The following ADAMTS3 variants were observed in gnomAD, a reference collection of about 807,000 sequenced individuals.
The protein encoded by ADAMTS3 is ADAM metallopeptidase with thrombospondin type 1 motif 3.
Under a neutral mutation model 129.0 loss-of-function variants are expected in ADAMTS3, and 73 were observed. The observed-to-expected ratio is 0.57, with a 90% CI of 0.47 to 0.69. The LOEUF is 0.69. Ranked by LOEUF, ADAMTS3 falls within the 30% of genes least tolerant of loss-of-function variation. ADAMTS3 has a pLI of 0.00. For missense variants in ADAMTS3, 1,457 were observed against 1,514.5 expected, an observed-to-expected ratio of 0.96 and a Z score of 0.63; for synonymous variants, 477 against 510.8, an observed-to-expected ratio of 0.93 and a Z score of 0.89.
intron 3 of ADAMTS3, among the ~76,000 whole-genome samples, chr4:72,507,588 T>C (rs1303275398): frequency 2.0e-5 from 3 of 152,324 alleles, no homozygotes; most frequent in Admixed American, 2.0e-4. Context: ...GTTATCCAGA[T>C]AGCATTTCTC....
intron 3 of ADAMTS3, among the ~76,000 whole-genome samples, chr4:72,506,444 G>C (rs1395241834): frequency 6.6e-6 from 1 of 152,170 alleles, no homozygotes; most frequent in Admixed American, 6.5e-5. Context: ...CAAAGTTCTG[G>C]CTGTGGTGAC....
In ADAMTS3 at chr4:72,517,878, G is replaced by C. The variant is rs531995541; in HGVS notation, c.504+30600C>G. Among the ~76,000 whole-genome samples the C allele has an allele frequency of 3.3e-3, 497 of 151,052 alleles. 3 individuals carry two copies. The highest frequency in any genetic ancestry group is 0.011 in the African/African-American group (462 of 41,132). On this transcript the variant is annotated intron_variant, in intron 3 of 21. Transcript: ENST00000286657. ...CTTAGTTATTTCTTGCCTTCTGCTA[G>C]CTTTTGAATGTGTTTGCTCTTGCTT...
At chr4:72,470,616 C>T (rs930994185) in intron 3 of ADAMTS3, among the ~76,000 whole-genome samples, 1 of 151,808 alleles carries the variant, frequency 6.6e-6, no homozygotes, top group South Asian at 2.1e-4. Context: ...CTTAAAGGGG[C>T]TCTGCAAGGT....
chr4:72,308,678 A>C (rs1719151490), intron 15 of ADAMTS3, among the ~76,000 whole-genome samples: 1 of 151,982 alleles, frequency 6.6e-6, no homozygotes, highest in South Asian at 2.1e-4. Context: ...TCTGTATACA[A>C]ATCTTTTATG....
chr4:72,411,455 C>A (rs1427838768), intron 4 of ADAMTS3, among the ~76,000 whole-genome samples: 2 of 151,988 alleles, frequency 1.3e-5, no homozygotes, highest in Non-Finnish European at 2.9e-5. Context: ...CATAGGCTCC[C>A]AATTCTGTGC....
chr4:72,562,503 T>G (rs1348430886), intron 2 of ADAMTS3, among the ~76,000 whole-genome samples: 2 of 152,108 alleles, frequency 1.3e-5, no homozygotes, highest in Non-Finnish European at 2.9e-5. Flanking sequence ...ATTAGTATGA[T>G]GAGATTAAAA....
intron 3 of ADAMTS3, among the ~76,000 whole-genome samples, chr4:72,432,233 T>C (rs953542372): frequency 1.3e-5 from 2 of 151,896 alleles, no homozygotes; most frequent in African/African-American, 4.8e-5. Context: ...ATGCTACTTC[T>C]CAGCTTGGCC....
intron 3 of ADAMTS3, among the ~76,000 whole-genome samples, chr4:72,420,628 T>C (rs1240615268): frequency 6.6e-6 from 1 of 152,226 alleles, no homozygotes; most frequent in Admixed American, 6.5e-5. Context: ...AATTACTTCT[T>C]GGTCTGCTTT....
chr4:72,342,775 T>G (rs1258072290), intron 4 of ADAMTS3, among the ~76,000 whole-genome samples: 1 of 152,106 alleles, frequency 6.6e-6, no homozygotes, highest in Non-Finnish European at 1.5e-5. Flanking sequence ...CCCAACCAAA[T>G]GCATGACTCA....
At chr4:72,483,990 C>G (rs1196009440) in intron 3 of ADAMTS3, among the ~76,000 whole-genome samples, 3 of 152,010 alleles carry the variant, frequency 2.0e-5, no homozygotes, top group African/African-American at 7.3e-5. Context: ...TGCACTCCAG[C>G]CCGGGTGACA....
At chr4:72,416,031 T>C (rs1722295400) in intron 3 of ADAMTS3, among the ~76,000 whole-genome samples, 1 of 151,798 alleles carries the variant, frequency 6.6e-6, no homozygotes, top group African/African-American at 2.4e-5. Flanking sequence ...AAGAGGTCAC[T>C]GGCTCTCATG....
intron 3 of ADAMTS3, among the ~76,000 whole-genome samples, chr4:72,448,166 T>C (rs1267499590): frequency 1.3e-5 from 2 of 151,710 alleles, no homozygotes; most frequent in African/African-American, 4.8e-5. Context: ...AATGTTTCCA[T>C]AAGACATTTT....
intron 3 of ADAMTS3, among the ~76,000 whole-genome samples, chr4:72,510,231 G>A (rs1720276915): frequency 6.6e-6 from 1 of 151,934 alleles, no homozygotes; most frequent in Admixed American, 6.6e-5. Flanking sequence ...GCTGCCCACT[G>A]TCACCACTGT....
chr4:72,295,535 CTATT>C (rs1252026005), intron 19 of ADAMTS3, 115 bp downstream of exon 19: 1 of 1,031,610 alleles, frequency 9.7e-7, no homozygotes, highest in Non-Finnish European at 1.4e-6. Context: ...AGTGACTTGA[CTATT>C]TAAACCATGT....
intron 4 of ADAMTS3, among the ~76,000 whole-genome samples, chr4:72,401,605 A>G (rs1330223653): frequency 5.5e-5 from 8 of 144,410 alleles, no homozygotes; most frequent in African/African-American, 1.7e-4. Context: ...AAAAAAAAAG[A>G]GTGAAAGAAA....
chr4:72,470,376 T>TATATATATATATATATATAC (rs557625827), intron 3 of ADAMTS3, among the ~76,000 whole-genome samples: 6 of 137,962 alleles, frequency 4.3e-5, no homozygotes, highest in African/African-American at 1.6e-4. Flanking sequence ...TATATATATA[T>TATATATATATATATATATAC]ACACACACAC....
chr4:72,281,162 T>C lies in ADAMTS3; in HGVS notation c.*1974A>G, dbSNP rs562513965. ...TATCTTCCCCTGTGGATGAGATGTATGCACACACAAGTAAACTAGAGAGAA... is the reference window on the plus strand; with the variant it reads ...TATCTTCCCCTGTGGATGAGATGTACGCACACACAAGTAAACTAGAGAGAA... On this transcript the variant is annotated 3_prime_UTR_variant, in exon 22 of 22. Coordinates refer to ENST00000286657, the MANE Select transcript of ADAMTS3 (RefSeq NM_014243.3). 170 of 152,648 alleles carry C rather than the reference T, an allele frequency of 1.1e-3. 1 individual carries two copies. Among genetic ancestry groups the C allele is most frequent in the African/African-American group, 3.9e-3 (163 of 41,538 alleles). The allele number at this position is 152,648 out of a possible 1,614,324, so 9.5% of individuals were successfully genotyped here.
chr4:72,388,940 G>A (rs1721514281), intron 4 of ADAMTS3, among the ~76,000 whole-genome samples: 1 of 152,192 alleles, frequency 6.6e-6, no homozygotes, highest in Admixed American at 6.5e-5. Flanking sequence ...GATAAAACAT[G>A]TGAAATGTTG....
intron 3 of ADAMTS3, chr4:72,442,120 T>A (rs1718134347): frequency 6.6e-6 from 1 of 151,820 alleles, no homozygotes; most frequent in Non-Finnish European, 1.5e-5. Context: ...GAACATTTAG[T>A]GGATTCTCAT....
Sources: gnomAD v4.1 joint callset for allele counts (sites outside exome capture counted in the v4.1 genomes callset) on GRCh38, gnomAD v4.1.1 for gene constraint, MANE v1.5 for transcripts, NCBI Gene and HGNC (gene_info 2026-07-23, HGNC 2026-07-21) for gene names.